Variants in CACNG6 observed in about 807,000 individuals in gnomAD.
CACNG6 encodes voltage-dependent calcium channel gamma-6 subunit.
In CACNG6, 21 loss-of-function variants were observed where a neutral mutation model predicts 23.9. The ratio of observed to expected loss-of-function variants is 0.88; its 90% CI spans 0.62 to 1.26. The LOEUF (loss-of-function observed/expected upper bound fraction) is 1.26, where lower values mean the gene tolerates loss of function less well. Among genes scored for constraint, CACNG6 ranks in the 50% most tolerant of loss-of-function variants. The pLI is 0.00. For synonymous variants in CACNG6, 182 were observed against 168.9 expected, an observed-to-expected ratio of 1.08 and a Z score of -0.60; for missense variants, 340 against 352.9, an observed-to-expected ratio of 0.96 and a Z score of 0.29.
At chr19:53,999,060 C>T (rs1007678816) in intron 2 of CACNG6, among the ~76,000 whole-genome samples, 1 of 152,072 alleles carries the variant, frequency 6.6e-6, no homozygotes, top group Admixed American at 6.6e-5. Context: ...GAAAATTTTT[C>T]ACCATGTTGG....
intron 1 of CACNG6, among the ~76,000 whole-genome samples, chr19:53,995,270 C>A (rs2069509133): frequency 6.6e-6 from 1 of 152,082 alleles, no homozygotes; most frequent in African/African-American, 2.4e-5. Flanking sequence ...TTGCTGTCCC[C>A]TCCATTGATC....
chr19:53,993,311 G>A, intron 1 of CACNG6, 103 bp downstream of exon 1: 1 of 1,210,782 alleles, frequency 8.3e-7, no homozygotes, highest in South Asian at 1.5e-5. Context: ...AAAAGCCTGA[G>A]CCCGGAGGAG....
intron 1 of CACNG6, among the ~76,000 whole-genome samples, chr19:53,998,028 G>A (rs2145956073): frequency 6.6e-6 from 1 of 152,244 alleles, no homozygotes; most frequent in South Asian, 2.1e-4. Context: ...CACAGGTCTG[G>A]GGCTCAGAGC....
intron 3 of CACNG6, among the ~76,000 whole-genome samples, chr19:54,011,205 A>AAAATATATATATATATATATATATAT (rs58054808): frequency 9.8e-6 from 1 of 102,508 alleles, no homozygotes; most frequent in Admixed American, 1.2e-4. Flanking sequence ...AAAAAAAAAA[A>AAAATATATATATATATATATATATAT]ATATATATAT....
chr19:54,004,684 G>A (rs1600060832), intron 3 of CACNG6, among the ~76,000 whole-genome samples: 2 of 152,052 alleles, frequency 1.3e-5, no homozygotes, highest in East Asian at 1.9e-4. Context: ...CTCCGGCCAC[G>A]CCAGCCTCTG....
intron 3 of CACNG6, among the ~76,000 whole-genome samples, chr19:54,002,284 GTTTTTTTTT>G: frequency 8.5e-6 from 1 of 117,416 alleles, no homozygotes; most frequent in South Asian, 2.5e-4. Context: ...TGTTTTTTTT[GTTTTTTTTT>G]TTTTTGTAGA....
rs947760634 is a variant in CACNG6 at position 54,002,298 on chromosome 19, T to G, written c.544+2527T>G. On this transcript the variant is annotated intron_variant, in intron 3 of 3. Transcript: ENST00000252729. ...TTGTTTTTTTTGTTTTTTTTTTTTT[T>G]GTAGAGATAGGGTTTCGCTGTGTTG... is the stretch of plus-strand genomic sequence containing the variant. Among the ~76,000 whole-genome samples the G allele has an allele frequency of 1.8e-4, 27 of 145,996 alleles. 1 individual carries two copies. The highest frequency in any genetic ancestry group is 1.4e-3 in the Admixed American group (21 of 14,698).
At position 54,012,031 on chromosome 19, in the gene CACNG6, C is replaced by G. The variant is rs1177798062; in HGVS notation, c.625C>G (p.Pro209Ala). Residue 209 changes from proline to alanine, a missense_variant, in exon 4 of 4, where the codon CCG becomes GCG. Pro to Ala is a conservative substitution (Grantham distance 27). Transcript: ENST00000252729. ...GCAGAGAGTCAGCCCGGAGCCTCCC[C>G]CGGCCCCACGCCTCACCTACGAGTA... ...LLQRVSPEPP[P>A]APRLTYEYSW... The G allele has an allele frequency of 1.2e-6, 2 of 1,606,232 alleles. No homozygotes were observed. Among genetic ancestry groups the G allele is most frequent in the African/African-American group, 1.3e-5 (1 of 74,294 alleles).
At position 53,991,901 on chromosome 19, in the gene CACNG6, C is replaced by T. The variant is rs533462291; in HGVS notation, c.-977C>T. Among the ~76,000 whole-genome samples the T allele has an allele frequency of 5.9e-5, 9 of 152,256 alleles. No homozygotes were observed. In the East Asian group the frequency reaches 1.7e-3, roughly 29 times the overall value. On this transcript the variant is annotated 5_prime_UTR_variant, in exon 1 of 4. Transcript: ENST00000252729. Reference sequence around the variant, plus strand: ...GGTTGGCCTTTGAACCCTGGGGGGACTCAGTCCTGGTTTTCCGAGCCGCAG... The same window carrying T: ...GGTTGGCCTTTGAACCCTGGGGGGATTCAGTCCTGGTTTTCCGAGCCGCAG...
In CACNG6 at chr19:53,999,730, AG is replaced by A. The variant is rs771852895; in HGVS notation, c.504del (p.Glu168AspfsTer20). ...ATCATGGTGCTCAGTAAAGGTGCAG[AG>A]TTCCTGCTCCGAGTTGGAGCCGTCT... ...CIIMVLSKGA[E>X]FLLRVGAVCF... is the part of the protein sequence containing the mutation. On this transcript the variant is annotated frameshift_variant, in exon 3 of 4. Coordinates refer to ENST00000252729, the MANE Select transcript of CACNG6 (RefSeq NM_145814.2). LOFTEE classifies it high-confidence loss of function. 12 of 1,614,094 alleles carry A rather than the reference AG, an allele frequency of 7.4e-6. No homozygotes were observed. Among genetic ancestry groups the A allele is most frequent in the Non-Finnish European group, 1.0e-5 (12 of 1,180,022 alleles).
rs1278714201 is a variant in CACNG6, at chr19:53,999,636, G to T, written c.409G>T (p.Val137Leu). The change falls in exon 3 of 4, where the codon GTG becomes TTG. Residue 137 changes from valine to leucine, a missense_variant and splice_region_variant. Val to Leu is a conservative substitution (Grantham distance 32). Coordinates refer to ENST00000252729, the MANE Select transcript of CACNG6 (RefSeq NM_145814.2). ...TCTTTCCTCTCTCCTGCTGGCAGAG[G>T]TGAATCTGGCAGCTGCGGTGATAGC... ...RIFQRTTKKE[V>L]NLAAAVIAVL... 1 of 1,613,430 alleles carries T rather than the reference G, an allele frequency of 6.2e-7. No individual in the cohort carries two copies. Among genetic ancestry groups the T allele is most frequent in the East Asian group, 2.2e-5 (1 of 44,870 alleles).
chr19:53,999,968 G>A (rs900257908), intron 3 of CACNG6, among the ~76,000 whole-genome samples, 197 bp downstream of exon 3: 1 of 152,106 alleles, frequency 6.6e-6, no homozygotes, highest in Non-Finnish European at 1.5e-5. Context: ...ACTGTTGCAC[G>A]CTGGGAGGTG....
At chr19:54,009,666 G>A (rs188770931) in intron 3 of CACNG6, among the ~76,000 whole-genome samples, 14 of 152,060 alleles carry the variant, frequency 9.2e-5, no homozygotes, top group Admixed American at 7.9e-4. Flanking sequence ...GCAGGCATTT[G>A]AGTTTTGCAA....
chr19:53,999,524 C>A, intron 2 of CACNG6, 110 bp from the exon 3 acceptor site: 1 of 1,293,740 alleles, frequency 7.7e-7, no homozygotes, highest in Non-Finnish European at 1.1e-6. Context: ...CTTGAAAATT[C>A]TTCTCTCGTC....
chr19:53,999,594 A>G (rs1255706831), intron 2 of CACNG6, 40 bp from the exon 3 acceptor site: 1 of 1,604,260 alleles, frequency 6.2e-7, no homozygotes, highest in Non-Finnish European at 8.5e-7. Context: ...CATTCCCTAC[A>G]TCCCATGTTC....
At chr19:54,005,708 G>A (rs287141) in intron 3 of CACNG6, among the ~76,000 whole-genome samples, 82,010 of 147,914 alleles carry the variant, frequency 0.55, 25,179 homozygotes, top group East Asian at 0.82. Flanking sequence ...AGCCAAGATC[G>A]CGCCACTGCA....
chr19:54,008,981 AAAT>A, intron 3 of CACNG6, among the ~76,000 whole-genome samples: 1 of 152,282 alleles, frequency 6.6e-6, no homozygotes, highest in Middle Eastern at 3.4e-3. Flanking sequence ...ATTCCCATAA[AAAT>A]AATAATCATT....
At chr19:54,002,947 T>C (rs989485455) in intron 3 of CACNG6, among the ~76,000 whole-genome samples, 1 of 152,206 alleles carries the variant, frequency 6.6e-6, no homozygotes, top group East Asian at 1.9e-4. Flanking sequence ...AGAAGTCTGC[T>C]GCCCTCGTGG....
rs371378912 is a variant in CACNG6 at position 53,992,271 on chromosome 19, C to T, written c.-607C>T. ...CCCGGGACCCCAGGTCTTCCTTTTC[C>T]GAATCCCAGAGGGTCCCCAAGTCCT... On this transcript the variant is annotated 5_prime_UTR_variant, in exon 1 of 4. Coordinates refer to ENST00000252729, the MANE Select transcript of CACNG6 (RefSeq NM_145814.2). This position sits in a 1 kb window ranked among gnomAD's most constrained non-coding sequence, Gnocchi z 4.1. 6.6e-6 allele frequency: 1 copy of T among 152,306 alleles called. No individual in the cohort carries two copies. The highest frequency in any genetic ancestry group is 6.5e-5 in the Admixed American group (1 of 15,290). The allele number at this position is 152,306 out of a possible 1,614,324, so 9.4% of individuals were successfully genotyped here. A position where few individuals can be genotyped will look rare whatever the true frequency, so the allele number is the denominator to read the frequency against.
Sources: gnomAD v4.1 joint callset for allele counts (sites outside exome capture counted in the v4.1 genomes callset) on GRCh38, gnomAD v4.1.1 for gene constraint, Gnocchi (gnomAD v3.1) non-coding constraint, MANE v1.5 for transcripts, NCBI Gene and HGNC (gene_info 2026-07-23, HGNC 2026-07-21) for gene names.